SLC26A7: variants seen among roughly 807,000 people sequenced by gnomAD.
SLC26A7 encodes the protein anion exchange transporter.
Under a neutral mutation model 82.5 loss-of-function variants are expected in SLC26A7, and 59 were observed. The ratio of observed to expected loss-of-function variants is 0.72; its 90% confidence interval spans 0.58 to 0.89. The LOEUF is 0.89. Among genes scored for constraint, SLC26A7 ranks in the 40% least tolerant of loss-of-function variants. The pLI, the probability that SLC26A7 is intolerant of heterozygous loss-of-function variation, is 0.00. For synonymous variants in SLC26A7, 271 were observed against 274.3 expected (o/e 0.99, Z 0.12); for missense variants, 820 against 793.0 (o/e 1.03, Z -0.41).
chr8:91,295,373 A>C lies in SLC26A7; in HGVS notation c.305-158A>C, dbSNP rs111391019. Among the ~76,000 whole-genome samples the C allele has an allele frequency of 4.2e-3, 638 of 152,278 alleles. 7 individuals carry two copies. The highest frequency in any genetic ancestry group is 0.015 in the African/African-American group (619 of 41,564). On this transcript the variant is annotated intron_variant, in intron 3 of 18. Coordinates refer to ENST00000276609, the MANE Select transcript of SLC26A7 (RefSeq NM_052832.4). ...GTAAGTTTCCATTTCATCCATGGAG[A>C]GAGGTGAAGAGTGGAGAAGCAAGGC...
intron 2 of SLC26A7, among the ~76,000 whole-genome samples, chr8:91,284,325 A>C (rs779347013): frequency 1.3e-5 from 2 of 152,194 alleles, no homozygotes; most frequent in Non-Finnish European, 2.9e-5. Flanking sequence ...AGTATAGGCC[A>C]GGAGCCTTTA....
intron 2 of SLC26A7, among the ~76,000 whole-genome samples, chr8:91,281,976 A>T (rs1210751586): frequency 1.3e-5 from 2 of 151,864 alleles, no homozygotes; most frequent in Non-Finnish European, 2.9e-5. Context: ...TTTTAGTCAC[A>T]CTTATTGAGG....
intron 15 of SLC26A7, among the ~76,000 whole-genome samples, chr8:91,378,330 A>G (rs1007730222): frequency 1.3e-5 from 2 of 148,250 alleles, no homozygotes; most frequent in South Asian, 2.1e-4. Flanking sequence ...GAAACAAGAA[A>G]TAAATGAAAT....
chr8:91,289,079 A>G, intron 2 of SLC26A7, 57 bp from the exon 3 acceptor site: 1 of 1,107,488 alleles, frequency 9.0e-7, no homozygotes, highest in South Asian at 1.3e-5. Flanking sequence ...TCTTTTGTGT[A>G]ACAGACTGTG....
At chr8:91,279,125 G>GTACATATA (rs1811488059) in intron 2 of SLC26A7, among the ~76,000 whole-genome samples, 1 of 111,262 alleles carries the variant, frequency 9.0e-6, no homozygotes, top group Non-Finnish European at 1.7e-5. Context: ...GTGTGTGTGT[G>GTACATATA]TATATATATA....
intron 8 of SLC26A7, among the ~76,000 whole-genome samples, chr8:91,342,563 C>G (rs1027789280): frequency 6.6e-6 from 1 of 152,146 alleles, no homozygotes; most frequent in African/African-American, 2.4e-5. Context: ...GCAGAAAAAT[C>G]AAGAATAACC....
chr8:91,363,454 T>C lies in SLC26A7; in HGVS notation c.1422-18T>C. On this transcript the variant is annotated intron_variant, in intron 12 of 18. Transcript: ENST00000276609. ...TTAGGAAATGACTTGTTTTATTTTC[T>C]ATCTGCTTTAATTTCAGAGCAATGA... 7.0e-7 allele frequency: 1 copy of C among 1,431,676 alleles called. No homozygotes were observed. Among genetic ancestry groups the C allele is most frequent in the Non-Finnish European group, 9.6e-7 (1 of 1,039,350 alleles). 88.7% of individuals were successfully genotyped at this position (1,431,676 alleles called of 1,614,324 possible). A position where few individuals can be genotyped will look rare whatever the true frequency, so the allele number is the denominator to read the frequency against.
rs551682510 is a variant in SLC26A7 at position 91,317,954 on chromosome 8, A to G, written c.478-262A>G. On this transcript the variant is annotated intron_variant, in intron 4 of 18. Transcript: ENST00000276609. ...ACTATAATAAGATATATATATATAT[A>G]TATAAAATAAAAATAAAAATAAACA... 5.4e-5 allele frequency among the ~76,000 whole-genome samples: 8 copies of G among 146,926 alleles called. 1 individual carries two copies. In the South Asian group the frequency reaches 1.5e-3, roughly 27 times the overall value.
chr8:91,358,423 G>A (rs1212605135), intron 11 of SLC26A7, among the ~76,000 whole-genome samples: 1 of 149,288 alleles, frequency 6.7e-6, no homozygotes, highest in Non-Finnish European at 1.5e-5. Context: ...CCACCTCCTT[G>A]GGTTCATGCC....
chr8:91,299,910 T>TA (rs1408738106), intron 4 of SLC26A7, among the ~76,000 whole-genome samples: 1 of 152,186 alleles, frequency 6.6e-6, no homozygotes, highest in East Asian at 1.9e-4. Context: ...ATTAAAGAGA[T>TA]AGACATACTA....
At position 91,395,129 on chromosome 8, in the gene SLC26A7, T is replaced by C. The variant is rs560020367; in HGVS notation, c.*32T>C. On this transcript the variant is annotated 3_prime_UTR_variant, in exon 19 of 19. Coordinates refer to ENST00000276609, the MANE Select transcript of SLC26A7 (RefSeq NM_052832.4). ...TTTGTCACAGTACAGCTCTTGTCTT[T>C]ACCAACTGCCTGAAGAGGCCATATG... 4 of 1,612,110 alleles carry C rather than the reference T, an allele frequency of 2.5e-6. No individual in the cohort carries two copies. In the Admixed American group the frequency reaches 5.0e-5, roughly 20 times the overall value.
intron 2 of SLC26A7, among the ~76,000 whole-genome samples, chr8:91,282,719 T>TA (rs1414502644): frequency 6.6e-6 from 1 of 152,168 alleles, no homozygotes; most frequent in African/African-American, 2.4e-5. Flanking sequence ...GGTAAGTTCT[T>TA]ACCACTTAAT....
chr8:91,287,632 T>C (rs562632946), intron 2 of SLC26A7, among the ~76,000 whole-genome samples: 1 of 152,212 alleles, frequency 6.6e-6, no homozygotes, highest in Non-Finnish European at 1.5e-5. Context: ...TTTTTCTTGC[T>C]TAGGAACACT....
chr8:91,389,532 G>A lies in SLC26A7; in HGVS notation c.1776+94G>A, dbSNP rs1029400580. ...TCTCTCCATAGTCTTGAGCCTGCTT[G>A]TTGCAATACTCATCTCACCCCATTA... On this transcript the variant is annotated intron_variant, in intron 16 of 18. Coordinates refer to ENST00000276609, the MANE Select transcript of SLC26A7 (RefSeq NM_052832.4). The A allele has an allele frequency of 5.8e-6, 5 of 856,902 alleles. No homozygotes were observed. In the African/African-American group the frequency reaches 8.4e-5, roughly 14 times the overall value. The allele number at this position is 856,902 out of a possible 1,614,324, so 53.1% of individuals were successfully genotyped here.
chr8:91,259,149 A>G (rs1286440923), intron 2 of SLC26A7, among the ~76,000 whole-genome samples: 1 of 152,098 alleles, frequency 6.6e-6, no homozygotes, highest in Non-Finnish European at 1.5e-5. Context: ...TTTAAATACC[A>G]GAAGACTTAA....
intron 4 of SLC26A7, among the ~76,000 whole-genome samples, chr8:91,295,913 A>G (rs1488233483): frequency 7.2e-5 from 11 of 152,240 alleles, no homozygotes; most frequent in Admixed American, 7.2e-4. Context: ...TTGAAGTTAC[A>G]CAGAAACAGT....
At chr8:91,239,439 T>C (rs1424249534) in intron 2 of SLC26A7, among the ~76,000 whole-genome samples, 4 of 148,238 alleles carry the variant, frequency 2.7e-5, no homozygotes, top group Non-Finnish European at 5.9e-5. Context: ...TATATATGTG[T>C]ATATGTGTAT....
intron 4 of SLC26A7, among the ~76,000 whole-genome samples, chr8:91,305,168 G>T (rs139641994): frequency 6.6e-6 from 1 of 151,950 alleles, no homozygotes; most frequent in Non-Finnish European, 1.5e-5. Context: ...TGATTAAATT[G>T]AAGAGGAAAA....
rs1021386072 is a variant in SLC26A7, at chr8:91,334,830, G to A, written c.795+383G>A. 4.2e-4 allele frequency among the ~76,000 whole-genome samples: 64 copies of A among 152,076 alleles called. 1 individual carries two copies. The highest frequency in any genetic ancestry group is 1.3e-4 in the Non-Finnish European group (9 of 67,992). ...TTTCCTATTTATATGGCACCTATAAGATATGTATAGAAATATTATCAATTG... is the reference window on the plus strand; with the variant it reads ...TTTCCTATTTATATGGCACCTATAAAATATGTATAGAAATATTATCAATTG... On this transcript the variant is annotated intron_variant, in intron 6 of 18. Coordinates refer to ENST00000276609, the MANE Select transcript of SLC26A7 (RefSeq NM_052832.4).
Sources: allele counts gnomAD v4.1 joint callset (sites outside exome capture counted in the v4.1 genomes callset), GRCh38; gene constraint gnomAD v4.1.1; transcripts MANE v1.5; gene names NCBI Gene and HGNC (gene_info 2026-07-23, HGNC 2026-07-21).